Variants in TAOK3 observed in about 807,000 individuals in gnomAD.
The protein encoded by TAOK3 is TAO kinase 3, also known as serine/threonine-protein kinase TAO3.
A neutral mutation model predicts 120.4 loss-of-function variants in TAOK3; 40 were observed. That is an observed-to-expected ratio of 0.33 (90% confidence interval 0.26 to 0.43). The LOEUF is 0.43. TAOK3 is among the 20% of genes least tolerant of loss of function. TAOK3 has a pLI of 1.00. For synonymous variants in TAOK3, 355 were observed against 387.5 expected (o/e 0.92, Z 0.99); for missense variants, 821 against 1,112.1 (o/e 0.74, Z 3.72).
chr12:118,333,868 G>T (rs1257104094), intron 1 of TAOK3, among the ~76,000 whole-genome samples: 1 of 151,518 alleles, frequency 6.6e-6, no homozygotes, highest in East Asian at 1.9e-4. Context: ...GGGTGTGGAG[G>T]CTCACGCCTG....
At chr12:118,369,049 G>T (rs1342898072) in intron 1 of TAOK3, among the ~76,000 whole-genome samples, 6 of 150,590 alleles carry the variant, frequency 4.0e-5, no homozygotes. Flanking sequence ...AAAGCCAGGC[G>T]TGATGGTATT....
chr12:118,183,214 T>C (rs1254776650), intron 14 of TAOK3, among the ~76,000 whole-genome samples: 1 of 152,168 alleles, frequency 6.6e-6, no homozygotes, highest in Non-Finnish European at 1.5e-5. Context: ...TGGGTTAAAA[T>C]ACATTTTATA....
At chr12:118,200,397 C>G (rs1179019495) in intron 12 of TAOK3, 1 of 152,120 alleles carries the variant, frequency 6.6e-6, no homozygotes, top group Non-Finnish European at 1.5e-5. Context: ...GATGAAGAAG[C>G]CTGCCTTATA....
chr12:118,285,645 G>A (rs1031050368), intron 1 of TAOK3, among the ~76,000 whole-genome samples: 2 of 152,330 alleles, frequency 1.3e-5, no homozygotes, highest in South Asian at 4.1e-4. Context: ...GAGCCACCAT[G>A]CCCAGCCATA....
intron 11 of TAOK3, among the ~76,000 whole-genome samples, chr12:118,209,664 G>A (rs1325763615): frequency 1.3e-5 from 2 of 151,832 alleles, no homozygotes; most frequent in African/African-American, 4.8e-5. Context: ...CTCCTAAAGT[G>A]CTGGGATTAT....
rs57197721 is a variant in TAOK3 at position 118,217,816 on chromosome 12, CATATATATATATATATATATATAT to C, written c.644-3730_644-3707del. Among the ~76,000 whole-genome samples the C allele has an allele frequency of 8.5e-4, 39 of 45,990 alleles. 1 individual carries two copies. The South Asian group carries it at 8.6e-3, about 10-fold the overall frequency. The allele number at this position is 45,990 out of a possible 152,430, so 30.2% of individuals were successfully genotyped here. ...GTATGTATGTGTGTGTGTGTGTATA[CATATATATATATATATATATATAT>C]ATATATATATATATATATATACACT... On this transcript the variant is annotated intron_variant, in intron 9 of 20. Coordinates refer to ENST00000392533, the MANE Select transcript of TAOK3 (RefSeq NM_016281.4).
At chr12:118,215,436 C>T (rs894472888) in intron 9 of TAOK3, among the ~76,000 whole-genome samples, 1 of 151,578 alleles carries the variant, frequency 6.6e-6, no homozygotes, top group African/African-American at 2.4e-5. Flanking sequence ...GGCATGAACC[C>T]GAGAGGCAGA....
rs907802377 is a variant in TAOK3, at chr12:118,152,542, C to A, written c.2353-133G>T. The A allele has an allele frequency of 1.0e-5, 8 of 790,108 alleles. No homozygotes were observed. In the African/African-American group the frequency reaches 1.2e-4, roughly 12 times the overall value. 48.9% of individuals were successfully genotyped at this position (790,108 alleles called of 1,614,324 possible). A position where few individuals can be genotyped will look rare whatever the true frequency, so the allele number is the denominator to read the frequency against. ...GGTTGCCCCCTCAAAAACACAGATG[C>A]TCTGGGTACATTCAGAGTTGGGAAT... On this transcript the variant is annotated intron_variant, in intron 19 of 20. Coordinates refer to ENST00000392533, the MANE Select transcript of TAOK3 (RefSeq NM_016281.4).
intron 1 of TAOK3, among the ~76,000 whole-genome samples, chr12:118,283,060 T>A (rs1168003205): frequency 6.6e-6 from 1 of 152,236 alleles, no homozygotes; most frequent in Non-Finnish European, 1.5e-5. Flanking sequence ...TCTGTCTCCT[T>A]AATTCCCTGT....
At chr12:118,208,874 G>A (rs2038476138) in intron 11 of TAOK3, among the ~76,000 whole-genome samples, 1 of 151,994 alleles carries the variant, frequency 6.6e-6, no homozygotes, top group Admixed American at 6.6e-5. Context: ...ACCATGCCCA[G>A]CTAATTTTTG....
chr12:118,356,744 C>A (rs1294412077), intron 1 of TAOK3, among the ~76,000 whole-genome samples: 12 of 148,558 alleles, frequency 8.1e-5, no homozygotes, highest in Admixed American at 8.0e-4. Context: ...AAGACTCCCT[C>A]TTTACAAAAA....
rs376263731 is a variant in TAOK3, at chr12:118,255,593, T to C, written c.-26A>G. 123 of 1,581,532 alleles carry C rather than the reference T, an allele frequency of 7.8e-5. No individual in the cohort carries two copies. In the African/African-American group the frequency reaches 1.6e-3, roughly 20 times the overall value. On this transcript the variant is annotated 5_prime_UTR_variant, in exon 3 of 21. Transcript: ENST00000392533. ...GATGGCCAGTAGAGCAGGCTCTGCT[T>C]TTTGATATCAGTTAGCTTTATTTCT...
intron 1 of TAOK3, among the ~76,000 whole-genome samples, chr12:118,356,213 C>A (rs1390293700): frequency 2.0e-5 from 3 of 152,054 alleles, no homozygotes; most frequent in Non-Finnish European, 4.4e-5. Context: ...TAACTGTCCC[C>A]TCCCCTCTTT....
intron 2 of TAOK3, among the ~76,000 whole-genome samples, chr12:118,262,742 G>A (rs768140848): frequency 5.4e-5 from 8 of 149,374 alleles, no homozygotes; most frequent in South Asian, 4.3e-4. Context: ...CAGGAGAATC[G>A]CTTGAAACCG....
intron 1 of TAOK3, among the ~76,000 whole-genome samples, chr12:118,355,595 T>C (rs1400364716): frequency 6.6e-6 from 1 of 152,228 alleles, no homozygotes; most frequent in East Asian, 1.9e-4. Flanking sequence ...TTCATCCCTG[T>C]GTTCCCTGGT....
intron 11 of TAOK3, among the ~76,000 whole-genome samples, chr12:118,205,517 G>A (rs1345375816): frequency 6.6e-6 from 1 of 152,146 alleles, no homozygotes; most frequent in Admixed American, 6.6e-5. Context: ...GTGGGTGGTG[G>A]TGGTTATTTT....
chr12:118,255,544 G>A lies in TAOK3; in HGVS notation c.24C>T (p.Asp8=). Residue 8 remains aspartate, a synonymous_variant, in exon 3 of 21, where the codon GAC becomes GAT. Coordinates refer to ENST00000392533, the MANE Select transcript of TAOK3 (RefSeq NM_016281.4). ...TGTAGAATAGATCGGCAATCTCTGGGTCCTTCAGCACCCCTTTACGCATGA... is the reference window on the plus strand; with the variant it reads ...TGTAGAATAGATCGGCAATCTCTGGATCCTTCAGCACCCCTTTACGCATGA... MRKGVLK[D]PEIADLFYKD... is the part of the protein sequence containing the mutation. 1 of 1,613,984 alleles carries A rather than the reference G, an allele frequency of 6.2e-7. No homozygotes were observed. The highest frequency in any genetic ancestry group is 8.5e-7 in the Non-Finnish European group (1 of 1,179,972).
intron 1 of TAOK3, among the ~76,000 whole-genome samples, chr12:118,312,544 G>T: frequency 6.6e-6 from 1 of 152,036 alleles, no homozygotes; most frequent in Admixed American, 6.6e-5. Context: ...CTTATTAAAG[G>T]CTTATTACTA....
intron 1 of TAOK3, among the ~76,000 whole-genome samples, chr12:118,352,983 T>TA (rs1476269939): frequency 6.6e-6 from 1 of 152,218 alleles, no homozygotes; most frequent in Non-Finnish European, 1.5e-5. Context: ...GTGTTGGGAT[T>TA]ACAGGAGTGA....
Sources: allele counts gnomAD v4.1 joint callset (sites outside exome capture counted in the v4.1 genomes callset), GRCh38; gene constraint gnomAD v4.1.1; transcripts MANE v1.5; gene names NCBI Gene and HGNC (gene_info 2026-07-23, HGNC 2026-07-21).